The following LRTM3 variants were observed in gnomAD, a reference collection of about 807,000 sequenced individuals.
The protein encoded by LRTM3 is leucine-rich repeat transmembrane protein 3.
the LRTM3 span, chr13:102,732,642 G>C: frequency 4.5e-6 from 7 of 1,551,064 alleles, no homozygotes. Context: ...GTCTTCATTT[G>C]AGATTCCTCT....
chr13:102,750,158 G>C, the LRTM3 span: 1 of 1,551,074 alleles, frequency 6.4e-7, no homozygotes, highest in Non-Finnish European at 8.7e-7. Flanking sequence ...TGGATGCTCT[G>C]TATGGCTTAG....
the LRTM3 span, chr13:102,735,876 TC>T: frequency 3.2e-6 from 5 of 1,540,154 alleles, no homozygotes; most frequent in Non-Finnish European, 4.4e-6. Context: ...GCAGATTTCC[TC>T]GGAACCACTC....
chr13:102,730,479 T>G, the LRTM3 span: 122 of 1,551,402 alleles, frequency 7.9e-5, no homozygotes, highest in Non-Finnish European at 9.8e-5. Flanking sequence ...TCACATGTAT[T>G]TCTTTCTTGA....
At chr13:102,745,919 G>T in the LRTM3 span, 1 of 1,551,086 alleles carries the variant, frequency 6.4e-7, no homozygotes, top group Non-Finnish European at 8.7e-7. Flanking sequence ...TGTACTTCCT[G>T]GTTGGTTCAG....
chr13:102,741,795 C>A, the LRTM3 span: 1 of 1,550,380 alleles, frequency 6.5e-7, no homozygotes, highest in Non-Finnish European at 8.7e-7. Context: ...TTTTCCTTTG[C>A]TCTTTGTGCA....
the LRTM3 span, chr13:102,738,237 G>A: frequency 6.4e-7 from 1 of 1,550,710 alleles, no homozygotes; most frequent in Non-Finnish European, 8.7e-7. Context: ...TCTTCTTTCT[G>A]TTGCATGTAA....
At chr13:102,739,777 T>A in the LRTM3 span, 168,196 of 1,548,998 alleles carry the variant, frequency 0.11, 10,018 homozygotes, top group South Asian at 0.14. Context: ...CAATTGTTTC[T>A]TTATTCAATT....
chr13:102,730,878 C>T, the LRTM3 span: 47 of 1,551,174 alleles, frequency 3.0e-5, no homozygotes, highest in Non-Finnish European at 3.8e-5. Context: ...GATTTCTCCT[C>T]AGAAAGTAAC....
chr13:102,751,405 G>A, the LRTM3 span, among the ~76,000 whole-genome samples: 1 of 147,382 alleles, frequency 6.8e-6, no homozygotes, highest in Non-Finnish European at 1.5e-5. Context: ...TACTGGTTCC[G>A]TTTCTCTGGA....
the LRTM3 span, chr13:102,736,201 A>G: frequency 6.5e-7 from 1 of 1,548,194 alleles, no homozygotes. Context: ...GAGAGAGAGA[A>G]GGCATGAATG....
the LRTM3 span, chr13:102,737,512 C>G: frequency 9.0e-5 from 140 of 1,550,418 alleles, no homozygotes; most frequent in Non-Finnish European, 1.1e-4. Flanking sequence ...TGTTCCCTTG[C>G]TCCTCACCTT....
the LRTM3 span, chr13:102,740,488 C>T: frequency 6.5e-7 from 1 of 1,549,962 alleles, no homozygotes; most frequent in South Asian, 1.2e-5. Context: ...ATATATGCTC[C>T]CAAAAGTTCT....
At chr13:102,751,566 T>C in the LRTM3 span, among the ~76,000 whole-genome samples, 1 of 152,168 alleles carries the variant, frequency 6.6e-6, no homozygotes, top group Non-Finnish European at 1.5e-5. Context: ...TAAATTTCGA[T>C]AGTCACTGTT....
At chr13:102,745,392 A>G in the LRTM3 span, 1 of 1,550,422 alleles carries the variant, frequency 6.4e-7, no homozygotes. Flanking sequence ...ACCTTGCTAT[A>G]CTTGTTAATG....
chr13:102,749,673 G>A, the LRTM3 span: 1 of 1,551,376 alleles, frequency 6.4e-7, no homozygotes. Context: ...TCTTCAGGCT[G>A]GGCAAAGTTG....
chr13:102,755,727 T>C, the LRTM3 span, among the ~76,000 whole-genome samples: 18 of 150,384 alleles, frequency 1.2e-4, no homozygotes, highest in East Asian at 1.2e-3. Flanking sequence ...CGTATCCCTA[T>C]GTAACAAACC....
the LRTM3 span, chr13:102,748,855 T>C: frequency 1.4e-5 from 21 of 1,550,440 alleles, no homozygotes; most frequent in Non-Finnish European, 1.8e-5. Flanking sequence ...TTTTTAGTCT[T>C]TTGTTTTCTT....
the LRTM3 span, chr13:102,745,870 A>G: frequency 1.2e-5 from 19 of 1,551,010 alleles, no homozygotes; most frequent in Non-Finnish European, 1.6e-5. Flanking sequence ...ACTTCAAAAT[A>G]GTTTGTGTAA....
chr13:102,731,655 T>C, the LRTM3 span: 1 of 1,551,532 alleles, frequency 6.4e-7, no homozygotes, highest in South Asian at 1.2e-5. Context: ...GAGATAGCTT[T>C]GGTTGCTTCA....
Sources: gnomAD v4.1 joint callset for allele counts (sites outside exome capture counted in the v4.1 genomes callset) on GRCh38, gnomAD v4.1.1 for gene constraint, MANE v1.5 for transcripts, NCBI Gene and HGNC (gene_info 2026-07-23, HGNC 2026-07-21) for gene names.